Variants in MTCL3 observed in about 807,000 individuals in gnomAD.
The protein encoded by MTCL3 is microtubule cross-linking factor 3.
chr6:127,513,915 T>C, the MTCL3 span, among the ~76,000 whole-genome samples: 1 of 152,226 alleles, frequency 6.6e-6, no homozygotes, highest in African/African-American at 2.4e-5. Flanking sequence ...CAGTGCTTAG[T>C]ACATACTAAG....
At chr6:127,506,449 G>A in the MTCL3 span, among the ~76,000 whole-genome samples, 2 of 152,122 alleles carry the variant, frequency 1.3e-5, no homozygotes, top group Non-Finnish European at 2.9e-5. Context: ...TAAACTCAGA[G>A]CTGTTTCATA....
At chr6:127,485,669 C>A in the MTCL3 span, among the ~76,000 whole-genome samples, 1 of 152,100 alleles carries the variant, frequency 6.6e-6, no homozygotes, top group African/African-American at 2.4e-5. Flanking sequence ...TATTTAGTTT[C>A]TGGTCTATAT....
At chr6:127,475,445 C>T in the MTCL3 span, 2 of 1,613,102 alleles carry the variant, frequency 1.2e-6, no homozygotes, top group Admixed American at 1.7e-5. The surrounding 1 kb of genome is among the most constrained non-coding windows in gnomAD (Gnocchi z 7.3). Context: ...CGGCTGCCGT[C>T]GTCCTCCTCG....
At chr6:127,509,064 A>G in the MTCL3 span, among the ~76,000 whole-genome samples, 1 of 152,248 alleles carries the variant, frequency 6.6e-6, no homozygotes, top group African/African-American at 2.4e-5. Flanking sequence ...ATAGAATGCC[A>G]TTTTCTACAG....
chr6:127,515,981 C>T, the MTCL3 span: 2 of 1,595,046 alleles, frequency 1.3e-6, no homozygotes, highest in South Asian at 1.1e-5. This position sits in a 1 kb window ranked among gnomAD's most constrained non-coding sequence, Gnocchi z 4.3. Context: ...GAGGCCCCCT[C>T]CCCGCCGCTG....
At chr6:127,483,958 T>C in the MTCL3 span, among the ~76,000 whole-genome samples, 481 of 152,312 alleles carry the variant, frequency 3.2e-3, no homozygotes, top group Non-Finnish European at 5.5e-3. Flanking sequence ...ATAAATGCTA[T>C]GCTTTAGGTT....
the MTCL3 span, chr6:127,516,772 C>CGCCA: frequency 7.7e-7 from 1 of 1,298,948 alleles, no homozygotes; most frequent in Non-Finnish European, 1.0e-6. Flanking sequence ...GGTGATATTG[C>CGCCA]TCCATTTGGA....
the MTCL3 span, among the ~76,000 whole-genome samples, chr6:127,503,431 C>A: frequency 2.0e-5 from 3 of 152,242 alleles, no homozygotes; most frequent in Non-Finnish European, 2.9e-5. Flanking sequence ...GCCAAATTAG[C>A]TGCTAAATCA....
At chr6:127,510,236 G>A in the MTCL3 span, among the ~76,000 whole-genome samples, 1 of 152,020 alleles carries the variant, frequency 6.6e-6, no homozygotes, top group South Asian at 2.1e-4. Flanking sequence ...TTGGTTTTTT[G>A]TAACTCCAAG....
the MTCL3 span, chr6:127,516,451 G>A: frequency 1.3e-6 from 2 of 1,599,762 alleles, no homozygotes; most frequent in Non-Finnish European, 8.5e-7. Flanking sequence ...CCGGGTGGCC[G>A]CGATTGTCTG....
the MTCL3 span, chr6:127,514,991 C>T: frequency 8.7e-6 from 14 of 1,614,066 alleles, no homozygotes; most frequent in South Asian, 9.9e-5. Flanking sequence ...AGGCATCCTC[C>T]TCGAAGAAAG....
the MTCL3 span, among the ~76,000 whole-genome samples, chr6:127,508,626 A>G: frequency 2.0e-5 from 3 of 152,192 alleles, no homozygotes; most frequent in Non-Finnish European, 4.4e-5. Context: ...GGTATGAGAC[A>G]ATATAAGGAG....
At chr6:127,500,838 G>C in the MTCL3 span, among the ~76,000 whole-genome samples, 1 of 151,992 alleles carries the variant, frequency 6.6e-6, no homozygotes, top group South Asian at 2.1e-4. Context: ...TTTGAGATGG[G>C]ATCTCACTCT....
At chr6:127,477,410 C>A in the MTCL3 span, among the ~76,000 whole-genome samples, 2 of 152,202 alleles carry the variant, frequency 1.3e-5, no homozygotes, top group African/African-American at 2.4e-5. Flanking sequence ...AAGGTCATTT[C>A]TCCCAAGGAC....
At chr6:127,491,712 A>T in the MTCL3 span, among the ~76,000 whole-genome samples, 4 of 151,876 alleles carry the variant, frequency 2.6e-5, no homozygotes, top group African/African-American at 9.7e-5. Flanking sequence ...CTCTACAAAA[A>T]TTTTTTAAAA....
the MTCL3 span, chr6:127,483,079 G>T: frequency 1.0e-6 from 1 of 978,042 alleles, no homozygotes; most frequent in Non-Finnish European, 1.5e-6. Flanking sequence ...ACAAAACCAA[G>T]ACAAATAAAA....
the MTCL3 span, chr6:127,475,338 C>T: frequency 6.2e-7 from 1 of 1,612,838 alleles, no homozygotes; most frequent in East Asian, 2.2e-5. The surrounding 1 kb of genome is among the most constrained non-coding windows in gnomAD (Gnocchi z 7.3). Flanking sequence ...CGTCCGCAGA[C>T]TTGGGCACCT....
the MTCL3 span, among the ~76,000 whole-genome samples, chr6:127,505,292 A>G: frequency 6.6e-6 from 1 of 152,216 alleles, no homozygotes; most frequent in Non-Finnish European, 1.5e-5. Context: ...TATAGACTGG[A>G]TAAAGAAGAA....
the MTCL3 span, chr6:127,512,849 G>A: frequency 6.5e-7 from 1 of 1,539,992 alleles, no homozygotes; most frequent in Non-Finnish European, 8.8e-7. Flanking sequence ...TTTTTAAAGG[G>A]CTAAAAATAC....
Sources: gnomAD v4.1 joint callset for allele counts (sites outside exome capture counted in the v4.1 genomes callset) on GRCh38, gnomAD v4.1.1 for gene constraint, Gnocchi (gnomAD v3.1) non-coding constraint, MANE v1.5 for transcripts, NCBI Gene and HGNC (gene_info 2026-07-23, HGNC 2026-07-21) for gene names.